MAGI1: variants seen among roughly 807,000 people sequenced by gnomAD.
MAGI1 encodes the protein membrane associated guanylate kinase, WW and PDZ domain containing 1, also known as membrane-associated guanylate kinase, WW and PDZ domain-containing protein 1.
In MAGI1, 58 loss-of-function variants were observed where a neutral mutation model predicts 139.9. The ratio of observed to expected loss-of-function variants is 0.41; its 90% CI spans 0.34 to 0.52. MAGI1 has a LOEUF of 0.52. Among genes scored for constraint, MAGI1 ranks in the 20% least tolerant of loss-of-function variants. The pLI, the probability that MAGI1 is intolerant of heterozygous loss-of-function variation, is 0.12. For synonymous variants in MAGI1, 812 were observed against 737.9 expected, an observed-to-expected ratio of 1.10 and a Z score of -1.63; for missense variants, 1,874 against 1,901.6, an observed-to-expected ratio of 0.99 and a Z score of 0.27.
At chr3:65,960,296 A>G (rs986125256) in intron 1 of MAGI1, among the ~76,000 whole-genome samples, 1 of 152,146 alleles carries the variant, frequency 6.6e-6, no homozygotes, top group Non-Finnish European at 1.5e-5. Flanking sequence ...GCTTGACTAG[A>G]TAAGAAAAAA....
At chr3:65,679,564 G>A (rs1433526502) in intron 1 of MAGI1, among the ~76,000 whole-genome samples, 11 of 151,150 alleles carry the variant, frequency 7.3e-5, no homozygotes, top group African/African-American at 9.7e-5. Context: ...CTCTGTCTCC[G>A]GAAAAAAAAA....
At chr3:65,469,390 A>G (rs1019380412) in intron 5 of MAGI1, among the ~76,000 whole-genome samples, 11 of 152,058 alleles carry the variant, frequency 7.2e-5, no homozygotes, top group African/African-American at 2.7e-4. Context: ...CAATGATAGG[A>G]TAATAAAGTC....
intron 1 of MAGI1, among the ~76,000 whole-genome samples, chr3:66,005,013 G>A (rs939571262): frequency 1.3e-5 from 2 of 152,170 alleles, no homozygotes; most frequent in Non-Finnish European, 2.9e-5. Context: ...CTGATTTAAT[G>A]TACAAGAGTA....
intron 12 of MAGI1, among the ~76,000 whole-genome samples, chr3:65,408,949 C>A (rs1192274112): frequency 6.6e-6 from 1 of 152,184 alleles, no homozygotes; most frequent in African/African-American, 2.4e-5. Context: ...AACAACTTAG[C>A]AAACAATTTC....
At chr3:65,994,213 G>A (rs1252321967) in intron 1 of MAGI1, among the ~76,000 whole-genome samples, 3 of 144,848 alleles carry the variant, frequency 2.1e-5, no homozygotes, top group African/African-American at 7.8e-5. Flanking sequence ...AGCAGAGGTT[G>A]CAATGAGCCG....
chr3:65,424,476 A>C (rs764777200), intron 12 of MAGI1, among the ~76,000 whole-genome samples: 6 of 152,174 alleles, frequency 3.9e-5, no homozygotes, highest in Non-Finnish European at 5.9e-5. Flanking sequence ...TCAGACCCTG[A>C]AATTATTTAG....
rs577510465 is a variant in MAGI1, at chr3:65,491,007, G to A, written c.550+2505C>T. Among the ~76,000 whole-genome samples, 6 of 152,158 alleles carry A rather than the reference G, an allele frequency of 3.9e-5. No homozygotes were observed. In the East Asian group the frequency reaches 1.2e-3, roughly 29 times the overall value. Reference sequence around the variant, plus strand: ...AAAATTCCAATTCCAAAATAACTATGCAACATTCACAAAGGCACCGTTTTC... The same window carrying A: ...AAAATTCCAATTCCAAAATAACTATACAACATTCACAAAGGCACCGTTTTC... On this transcript the variant is annotated intron_variant, in intron 3 of 22. Transcript: ENST00000402939.
chr3:65,366,163 T>C (rs1231504749), intron 18 of MAGI1, among the ~76,000 whole-genome samples: 2 of 152,190 alleles, frequency 1.3e-5, no homozygotes, highest in African/African-American at 4.8e-5. Flanking sequence ...GATAAAAGTA[T>C]ATGCAATGTT....
At chr3:65,871,109 T>C (rs2059923976) in intron 1 of MAGI1, among the ~76,000 whole-genome samples, 1 of 152,034 alleles carries the variant, frequency 6.6e-6, no homozygotes, top group Non-Finnish European at 1.5e-5. Context: ...CAGCTAATTT[T>C]GTATTTTTTC....
At chr3:65,434,157 C>A (rs1947668244) in intron 10 of MAGI1, among the ~76,000 whole-genome samples, 1 of 152,160 alleles carries the variant, frequency 6.6e-6, no homozygotes, top group Admixed American at 6.6e-5. Context: ...AATCTGTGCT[C>A]TGCTACTTAG....
intron 1 of MAGI1, among the ~76,000 whole-genome samples, chr3:66,020,028 G>C (rs1464604504): frequency 6.6e-6 from 1 of 152,202 alleles, no homozygotes; most frequent in Non-Finnish European, 1.5e-5. Flanking sequence ...TCAATGATTA[G>C]GGATTGCAGA....
At chr3:65,601,704 T>C (rs1559709562) in intron 2 of MAGI1, among the ~76,000 whole-genome samples, 2 of 148,464 alleles carry the variant, frequency 1.3e-5, no homozygotes, top group African/African-American at 5.1e-5. Context: ...ATCTTTTTTA[T>C]CCTGGGTGAC....
At chr3:65,812,482 A>ACG (rs1553711433) in intron 1 of MAGI1, among the ~76,000 whole-genome samples, 1 of 150,282 alleles carries the variant, frequency 6.7e-6, no homozygotes, top group Non-Finnish European at 1.5e-5. Context: ...ACACACACAC[A>ACG]CACACACACT....
intron 1 of MAGI1, among the ~76,000 whole-genome samples, chr3:65,681,815 A>C (rs187974469): frequency 3.1e-4 from 47 of 152,350 alleles, no homozygotes; most frequent in African/African-American, 9.9e-4. Context: ...AAAGCAGAAC[A>C]AGTTCACAGC....
intron 2 of MAGI1, among the ~76,000 whole-genome samples, chr3:65,495,057 T>A (rs1406458135): frequency 1.3e-5 from 2 of 152,234 alleles, no homozygotes; most frequent in African/African-American, 4.8e-5. Flanking sequence ...TGGCAGGTGA[T>A]GACAAATCCC....
At chr3:65,796,610 ATAAAAT>A (rs549541916) in intron 1 of MAGI1, among the ~76,000 whole-genome samples, 6 of 152,364 alleles carry the variant, frequency 3.9e-5, no homozygotes, top group African/African-American at 1.4e-4. Flanking sequence ...TTGCCATGAA[ATAAAAT>A]TAAAAGTATT....
chr3:65,619,973 A>T (rs1315462221), intron 2 of MAGI1: 1 of 985,306 alleles, frequency 1.0e-6, no homozygotes, highest in Non-Finnish European at 1.2e-6. Context: ...TGATTTTTCC[A>T]CTGTTTTTAA....
At chr3:65,443,902 C>T (rs1174902418) in intron 7 of MAGI1, among the ~76,000 whole-genome samples, 1 of 152,082 alleles carries the variant, frequency 6.6e-6, no homozygotes, top group African/African-American at 2.4e-5. Context: ...ATCATGTGGT[C>T]ACTAATTTAA....
Position 65,356,817 on chromosome 3 carries a change from C to A in MAGI1, c.3950G>T (p.Gly1317Val). ...CTTCTCTGGGGACCGCCTCTTGGGG[C>A]CGTTGGCGGCTGCCGCGCGCTCGGC... ...AQAERAAAANGPKRRSPEKRR... is the reference protein window; with the variant it reads ...AQAERAAAANVPKRRSPEKRR... The change falls in exon 23 of 23, where the codon GGC (glycine) becomes GTC (valine). Residue 1317 changes from glycine to valine, a missense_variant. This residue lies in a region of MAGI1 where 653 missense variants were observed against 644.5 expected (regional missense o/e 1.01). Coordinates refer to ENST00000402939, the MANE Select transcript of MAGI1 (RefSeq NM_001033057.2). The A allele has an allele frequency of 6.2e-7, 1 of 1,611,852 alleles. No individual in the cohort carries two copies. The highest frequency in any genetic ancestry group is 8.5e-7 in the Non-Finnish European group (1 of 1,178,600).
Sources: gnomAD v4.1 joint callset for allele counts (sites outside exome capture counted in the v4.1 genomes callset) on GRCh38, gnomAD v4.1.1 for gene constraint, gnomAD v4.1.1 regional missense constraint, MANE v1.5 for transcripts, NCBI Gene and HGNC (gene_info 2026-07-23, HGNC 2026-07-21) for gene names.